The following ERC2 variants were observed in gnomAD, a reference collection of about 807,000 sequenced individuals.
ERC2 encodes the protein ELKS/RAB6-interacting/CAST family member 2.
Under a neutral mutation model 114.8 loss-of-function variants are expected in ERC2, and 42 were observed. The observed-to-expected ratio is 0.37, with a 90% CI of 0.29 to 0.47. The LOEUF is 0.47. Among genes scored for constraint, ERC2 ranks in the 20% least tolerant of loss-of-function variants. The pLI, the probability that ERC2 is intolerant of heterozygous loss-of-function variation, is 0.99. For missense variants in ERC2, 939 were observed against 1,150.7 expected (o/e 0.82, Z 2.66); for synonymous variants, 454 against 425.5 (o/e 1.07, Z -0.82).
chr3:56,463,191 T>A (rs779813157), intron 1 of ERC2, among the ~76,000 whole-genome samples: 2 of 152,082 alleles, frequency 1.3e-5, no homozygotes, highest in Non-Finnish European at 2.9e-5. Flanking sequence ...TCGGTGCCAC[T>A]GCACTCCAGC....
intron 17 of ERC2, among the ~76,000 whole-genome samples, chr3:55,575,234 T>A (rs1010688015): frequency 1.3e-4 from 20 of 152,078 alleles, no homozygotes; most frequent in Middle Eastern, 3.2e-3. Flanking sequence ...GGCAGGCTGG[T>A]CTCGAACTCC....
At chr3:56,154,675 G>C (rs764174075) in intron 4 of ERC2, among the ~76,000 whole-genome samples, 1 of 152,164 alleles carries the variant, frequency 6.6e-6, no homozygotes, top group Non-Finnish European at 1.5e-5. Context: ...AATCCAGACA[G>C]ACCGCACATG....
chr3:55,583,835 G>C (rs1283082798), intron 17 of ERC2, among the ~76,000 whole-genome samples: 3 of 151,680 alleles, frequency 2.0e-5, no homozygotes, highest in African/African-American at 7.3e-5. Flanking sequence ...AAGGGCAGCA[G>C]AGGGCTTAGA....
chr3:56,179,249 T>C (rs1258329994), intron 3 of ERC2, among the ~76,000 whole-genome samples: 7 of 151,596 alleles, frequency 4.6e-5, no homozygotes, highest in Admixed American at 2.0e-4. Flanking sequence ...GAAGGCTAAG[T>C]GTGTGGCTGA....
chr3:55,932,323 G>T (rs938837584), intron 13 of ERC2, among the ~76,000 whole-genome samples: 2 of 151,970 alleles, frequency 1.3e-5, no homozygotes, highest in Non-Finnish European at 2.9e-5. Context: ...GCAGATGAAG[G>T]CAATAATGAT....
intron 17 of ERC2, among the ~76,000 whole-genome samples, chr3:55,647,881 T>C (rs1184350518): frequency 3.9e-5 from 6 of 152,252 alleles, no homozygotes; most frequent in Admixed American, 3.3e-4. Context: ...GTGGTCCTGC[T>C]GCAGCCGCCT....
chr3:56,349,912 C>CA (rs35271051), intron 2 of ERC2, among the ~76,000 whole-genome samples: 43,751 of 124,918 alleles, frequency 0.35, 7,012 homozygotes, highest in Admixed American at 0.4. Flanking sequence ...GACTCCGTCT[C>CA]AAAAAAAAAA....
At chr3:55,965,402 G>T (rs917690693) in intron 12 of ERC2, among the ~76,000 whole-genome samples, 19 of 152,206 alleles carry the variant, frequency 1.2e-4, no homozygotes, top group African/African-American at 4.6e-4. Context: ...GTAGTCTCAT[G>T]TGGCTAATGG....
intron 1 of ERC2, among the ~76,000 whole-genome samples, chr3:56,467,708 A>G (rs2063611364): frequency 1.3e-5 from 2 of 151,386 alleles, no homozygotes; most frequent in South Asian, 4.2e-4. Context: ...AATCGGCTTC[A>G]TTTTCCCTGA....
At chr3:56,118,638 T>TTC (rs2079388890) in intron 6 of ERC2, among the ~76,000 whole-genome samples, 1 of 145,030 alleles carries the variant, frequency 6.9e-6, no homozygotes, top group Non-Finnish European at 1.5e-5. Flanking sequence ...TTCCTTTTCT[T>TTC]TTTTTTTTTT....
intron 2 of ERC2, among the ~76,000 whole-genome samples, chr3:56,318,775 G>T (rs2056986737): frequency 6.7e-6 from 1 of 149,498 alleles, no homozygotes. Context: ...CTATTAGGAT[G>T]GCTGTTATAA....
intron 9 of ERC2, among the ~76,000 whole-genome samples, chr3:56,009,418 G>A (rs531551201): frequency 2.0e-5 from 3 of 152,194 alleles, no homozygotes; most frequent in Admixed American, 6.5e-5. Flanking sequence ...GATTTTCCTC[G>A]AAACTCCTCT....
intron 6 of ERC2, among the ~76,000 whole-genome samples, chr3:56,097,168 G>T (rs2078107426): frequency 6.6e-6 from 1 of 152,190 alleles, no homozygotes; most frequent in African/African-American, 2.4e-5. Context: ...TTGTTTCTCT[G>T]TTGGGACTTG....
chr3:55,685,746 G>A (rs768727083), intron 16 of ERC2, among the ~76,000 whole-genome samples: 1 of 152,146 alleles, frequency 6.6e-6, no homozygotes, highest in Non-Finnish European at 1.5e-5. Flanking sequence ...AAGCATAGAA[G>A]GATGCTATGA....
intron 17 of ERC2, among the ~76,000 whole-genome samples, chr3:55,520,146 A>G (rs771591233): frequency 4.6e-5 from 7 of 152,116 alleles, no homozygotes; most frequent in Non-Finnish European, 1.0e-4. Flanking sequence ...CACAAATGCC[A>G]AACAGGCTCA....
At chr3:55,580,171 G>C (rs1488575322) in intron 17 of ERC2, among the ~76,000 whole-genome samples, 1 of 151,284 alleles carries the variant, frequency 6.6e-6, no homozygotes, top group Non-Finnish European at 1.5e-5. Context: ...ACACCAAAGT[G>C]GGTTTTGCCA....
intron 2 of ERC2, among the ~76,000 whole-genome samples, chr3:56,318,946 A>C (rs1311730645): frequency 6.9e-6 from 1 of 145,124 alleles, no homozygotes; most frequent in Non-Finnish European, 1.5e-5. Context: ...TGGGTGACAC[A>C]GTAAGACCCT....
chr3:56,218,975 AC>A (rs1226073428), intron 3 of ERC2, among the ~76,000 whole-genome samples: 3 of 151,772 alleles, frequency 2.0e-5, no homozygotes, highest in Non-Finnish European at 4.4e-5. Context: ...AACATCACAC[AC>A]CGGGGCCTGT....
chr3:55,898,000 G>C (rs566254872), intron 13 of ERC2, among the ~76,000 whole-genome samples: 1 of 152,184 alleles, frequency 6.6e-6, no homozygotes, highest in African/African-American at 2.4e-5. Flanking sequence ...ATTTGTTTGG[G>C]CTCCAACTCT....
Sources: allele counts gnomAD v4.1 joint callset (sites outside exome capture counted in the v4.1 genomes callset), GRCh38; gene constraint gnomAD v4.1.1; transcripts MANE v1.5; gene names NCBI Gene and HGNC (gene_info 2026-07-23, HGNC 2026-07-21).